The following PIWIL4 variants were observed in gnomAD, a reference collection of about 807,000 sequenced individuals.
The protein encoded by PIWIL4 is piwi like RNA-mediated gene silencing 4, also known as piwi-like protein 4.
Under a neutral mutation model 100.9 loss-of-function variants are expected in PIWIL4, and 50 were observed. The observed-to-expected ratio is 0.50, with a 90% CI of 0.39 to 0.63. The LOEUF is 0.63. Ranked by LOEUF, PIWIL4 falls within the 20% of genes least tolerant of loss-of-function variation. The pLI, the probability that PIWIL4 is intolerant of heterozygous loss-of-function variation, is 0.00. For synonymous variants in PIWIL4, 342 were observed against 367.5 expected, an observed-to-expected ratio of 0.93 and a Z score of 0.79; for missense variants, 887 against 1,043.3, an observed-to-expected ratio of 0.85 and a Z score of 2.06.
chr11:94,585,852 G>A (rs1265367397), intron 6 of PIWIL4, among the ~76,000 whole-genome samples: 1 of 152,166 alleles, frequency 6.6e-6, no homozygotes, highest in Non-Finnish European at 1.5e-5. Flanking sequence ...AGCCAGAGTG[G>A]TTGACATGAA....
chr11:94,571,969 T>A (rs1180540140), intron 2 of PIWIL4, among the ~76,000 whole-genome samples: 34 of 152,368 alleles, frequency 2.2e-4, no homozygotes, highest in Non-Finnish European at 8.8e-5. Context: ...GACTTTTTAA[T>A]GATCGCCATT....
rs761996652 is a variant in PIWIL4 at position 94,619,797 on chromosome 11, A to T, written c.2206A>T (p.Met736Leu). 2.1e-5 allele frequency: 34 copies of T among 1,614,166 alleles called. No individual in the cohort carries two copies. Among genetic ancestry groups the T allele is most frequent in the Non-Finnish European group, 2.1e-5 (25 of 1,180,018 alleles). The change falls in exon 18 of 20, where the codon ATG becomes TTG. Residue 736 changes from methionine (M) to leucine (L), a missense_variant. Transcript: ENST00000299001. ...LSVIVVRKKCMPRFFTEMNRT... is the reference protein window; with the variant it reads ...LSVIVVRKKCLPRFFTEMNRT... ...GGTGATTGTGGTCAGGAAGAAGTGCATGCCACGATTCTTTACCGAAATGAA... is the reference window on the plus strand; with the variant it reads ...GGTGATTGTGGTCAGGAAGAAGTGCTTGCCACGATTCTTTACCGAAATGAA...
intron 11 of PIWIL4, among the ~76,000 whole-genome samples, chr11:94,601,339 C>T (rs1948637354): frequency 6.8e-6 from 1 of 147,562 alleles, no homozygotes; most frequent in East Asian, 2.1e-4. Flanking sequence ...CAACACTTAA[C>T]TGTTCTGTAG....
At chr11:94,583,040 A>ATGTGTGTGTGTGTGTGTG (rs200968891) in intron 4 of PIWIL4, among the ~76,000 whole-genome samples, 10 of 118,202 alleles carry the variant, frequency 8.5e-5, no homozygotes, top group African/African-American at 3.3e-4. Flanking sequence ...GTGTATATAT[A>ATGTGTGTGTGTGTGTGTG]TATATGTGTG....
At chr11:94,593,862 C>T (rs903756665) in intron 9 of PIWIL4, among the ~76,000 whole-genome samples, 7 of 152,100 alleles carry the variant, frequency 4.6e-5, no homozygotes, top group African/African-American at 7.2e-5. Context: ...AAATAGACCC[C>T]CTGATATCAT....
intron 8 of PIWIL4, among the ~76,000 whole-genome samples, chr11:94,592,019 CTA>C (rs1398944992): frequency 1.3e-5 from 2 of 152,154 alleles, no homozygotes; most frequent in East Asian, 3.9e-4. Context: ...TTACCTGAGA[CTA>C]TCCGTACTCC....
intron 5 of PIWIL4, 67 bp from the exon 6 acceptor site, chr11:94,585,378 G>A (rs1461202088): frequency 8.8e-7 from 1 of 1,130,092 alleles, no homozygotes; most frequent in Non-Finnish European, 1.3e-6. Flanking sequence ...TTCAGTAAGG[G>A]TTTGAACTTA....
chr11:94,572,570 G>A (rs1186610018), intron 2 of PIWIL4, among the ~76,000 whole-genome samples: 2 of 152,154 alleles, frequency 1.3e-5, no homozygotes, highest in Non-Finnish European at 2.9e-5. Flanking sequence ...TCTTGTTAAT[G>A]TCAGGTTTGT....
chr11:94,595,235 G>A, intron 9 of PIWIL4, 74 bp from the exon 10 acceptor site: 1 of 1,245,566 alleles, frequency 8.0e-7, no homozygotes, highest in Non-Finnish European at 1.2e-6. Context: ...AAGTGGAAAG[G>A]TTTAAACTGG....
At chr11:94,620,784 C>A in intron 19 of PIWIL4, 92 bp from the exon 20 acceptor site, 1 of 891,508 alleles carries the variant, frequency 1.1e-6, no homozygotes, top group Non-Finnish European at 1.8e-6. Flanking sequence ...ATTCTATTAT[C>A]TGTGTAACCA....
At position 94,587,072 on chromosome 11, in the gene PIWIL4, G is replaced by A. The variant is rs770456343; in HGVS notation, c.739G>A (p.Ala247Thr). ...AAGATTATCCCTTTGGCCTGGGTTT[G>A]CCATTTCTGTGTCATATTTTGAAAG... ...QHKLSLWPGF[A>T]ISVSYFERKL... The change falls in exon 7 of 20, where the codon GCC becomes ACC. Residue 247 changes from alanine (A) to threonine (T), a missense_variant. Around this residue, in one of 2 missense-constraint regions of PIWIL4, gnomAD observed 741 missense variants for 930.0 expected, o/e 0.80. Transcript: ENST00000299001. 1.1e-5 allele frequency: 17 copies of A among 1,612,704 alleles called. No homozygotes were observed. In the African/African-American group the frequency reaches 1.5e-4, roughly 14 times the overall value.
At chr11:94,573,969 C>T (rs1948198810) in intron 2 of PIWIL4, among the ~76,000 whole-genome samples, 1 of 152,126 alleles carries the variant, frequency 6.6e-6, no homozygotes, top group Non-Finnish European at 1.5e-5. Context: ...CTTGAATTTT[C>T]AGAAACCACC....
At chr11:94,571,450 G>A (rs1044435737) in intron 2 of PIWIL4, among the ~76,000 whole-genome samples, 8 of 151,810 alleles carry the variant, frequency 5.3e-5, no homozygotes, top group East Asian at 1.9e-4. Flanking sequence ...CCCACCCCAC[G>A]ACAGGCCCTG....
At chr11:94,598,149 A>G (rs1948581764) in intron 11 of PIWIL4, among the ~76,000 whole-genome samples, 1 of 152,196 alleles carries the variant, frequency 6.6e-6, no homozygotes, top group South Asian at 2.1e-4. Flanking sequence ...CAGTATTTCA[A>G]ATCATTGCAA....
intron 14 of PIWIL4, 60 bp downstream of exon 14, chr11:94,607,699 G>T: frequency 6.8e-7 from 1 of 1,477,356 alleles, no homozygotes. Flanking sequence ...AAAGATTAAA[G>T]TAGGAGATGT....
At chr11:94,590,858 C>T (rs1324275743) in intron 8 of PIWIL4, among the ~76,000 whole-genome samples, 1 of 152,140 alleles carries the variant, frequency 6.6e-6, no homozygotes, top group Non-Finnish European at 1.5e-5. Context: ...CACTGTGATC[C>T]CTCACCCTCA....
rs532102384 is a variant in PIWIL4, at chr11:94,589,136, C to G, written c.930C>G (p.Thr310=). Residue 310 remains threonine (T), a synonymous_variant, in exon 8 of 20, where the codon ACC becomes ACG. Coordinates refer to ENST00000299001, the MANE Select transcript of PIWIL4 (RefSeq NM_152431.3). The part of the protein sequence containing the change: ...LIVLTRYNNR[T]YSIDDIDWSV... Reference sequence around the variant, plus strand: ...TATTTGGCAGATACAATAACAGAACCTACTCCATTGATGACATTGACTGGT... The same window carrying G: ...TATTTGGCAGATACAATAACAGAACGTACTCCATTGATGACATTGACTGGT... The G allele has an allele frequency of 1.1e-4, 184 of 1,610,082 alleles. 1 individual carries two copies. The South Asian group carries it at 1.7e-3, about 15-fold the overall frequency.
chr11:94,612,944 T>C (rs570869655), intron 15 of PIWIL4, among the ~76,000 whole-genome samples: 1 of 152,340 alleles, frequency 6.6e-6, no homozygotes, highest in South Asian at 2.1e-4. Flanking sequence ...TGTAGCTATA[T>C]TTTAAAATAC....
In PIWIL4 at chr11:94,618,093, C is replaced by A; in HGVS notation, c.2154C>A (p.Ser718=). 6.4e-7 allele frequency: 1 copy of A among 1,571,920 alleles called. No individual in the cohort carries two copies. The highest frequency in any genetic ancestry group is 1.2e-5 in the South Asian group (1 of 84,606). ...VPQLLSSVAE[S]SSNTSSRLSV... is the part of the protein sequence containing the mutation. ...AGCTGCTGAGCAGTGTGGCAGAATC[C>A]AGCTCAAATACCAGGTATTCAATTA... The change falls in exon 17 of 20, where the codon TCC becomes TCA. Residue 718 remains serine (S), a synonymous_variant. Coordinates refer to ENST00000299001, the MANE Select transcript of PIWIL4 (RefSeq NM_152431.3).
Sources: allele counts gnomAD v4.1 joint callset (sites outside exome capture counted in the v4.1 genomes callset), GRCh38; gene constraint gnomAD v4.1.1; regional missense constraint gnomAD v4.1.1; transcripts MANE v1.5; gene names NCBI Gene and HGNC (gene_info 2026-07-23, HGNC 2026-07-21).